Variants in EYS observed in about 807,000 individuals in gnomAD.
EYS encodes EGF-like photoreceptor maintenance factor.
A neutral mutation model predicts 282.1 loss-of-function variants in EYS; 250 were observed. The ratio of observed to expected loss-of-function variants is 0.89; its 90% CI spans 0.80 to 0.98. The LOEUF (loss-of-function observed/expected upper bound fraction) is 0.98. Among genes scored for constraint, EYS ranks in the 50% least tolerant of loss-of-function variants. The pLI, the probability that EYS is intolerant of heterozygous loss-of-function variation, is 0.00. For missense variants in EYS, 4,016 were observed against 3,709.0 expected, an observed-to-expected ratio of 1.08 and a Z score of -2.15; for synonymous variants, 1,355 against 1,282.9, an observed-to-expected ratio of 1.06 and a Z score of -1.20.
At chr6:65,500,245 T>C (rs921115749) in intron 2 of EYS, among the ~76,000 whole-genome samples, 7 of 151,964 alleles carry the variant, frequency 4.6e-5, no homozygotes, top group Non-Finnish European at 1.0e-4. Flanking sequence ...CAATAAGGCA[T>C]AGGATTAAAC....
chr6:64,144,516 C>A (rs1404118498), intron 31 of EYS, among the ~76,000 whole-genome samples: 1 of 152,150 alleles, frequency 6.6e-6, no homozygotes, highest in East Asian at 1.9e-4. Context: ...GCACCCTAAT[C>A]CTAACATGCT....
At chr6:64,061,182 A>G (rs371601761) in intron 33 of EYS, among the ~76,000 whole-genome samples, 1 of 152,186 alleles carries the variant, frequency 6.6e-6, no homozygotes, top group Non-Finnish European at 1.5e-5. Flanking sequence ...ATAACACAGT[A>G]AATCACCTAG....
At chr6:64,104,074 T>C (rs1023600298) in intron 31 of EYS, among the ~76,000 whole-genome samples, 1 of 152,116 alleles carries the variant, frequency 6.6e-6, no homozygotes, top group African/African-American at 2.4e-5. Flanking sequence ...TTTGATTTTG[T>C]TGGGTATTTA....
chr6:65,168,449 G>A (rs1765026385), intron 12 of EYS, among the ~76,000 whole-genome samples: 1 of 151,182 alleles, frequency 6.6e-6, no homozygotes, highest in African/African-American at 2.4e-5. Context: ...CAGACTCAAG[G>A]TGTGGTATAG....
intron 7 of EYS, among the ~76,000 whole-genome samples, chr6:65,396,814 A>G (rs1168520635): frequency 6.6e-6 from 1 of 152,014 alleles, no homozygotes; most frequent in East Asian, 1.9e-4. Context: ...TTTCCAAATG[A>G]TTCAACAACC....
intron 9 of EYS, among the ~76,000 whole-genome samples, chr6:65,344,489 A>T (rs1264122784): frequency 6.6e-6 from 1 of 151,598 alleles, no homozygotes; most frequent in Non-Finnish European, 1.5e-5. Flanking sequence ...TGGTAGAACG[A>T]TAAAAAGAAC....
intron 12 of EYS, among the ~76,000 whole-genome samples, chr6:65,290,436 G>A (rs922972931): frequency 1.3e-5 from 2 of 150,928 alleles, no homozygotes; most frequent in Non-Finnish European, 1.5e-5. Context: ...TTTTTGATTG[G>A]AACAGCTAGA....
intron 21 of EYS, among the ~76,000 whole-genome samples, chr6:64,817,554 G>C (rs1017860924): frequency 6.6e-6 from 1 of 152,052 alleles, no homozygotes; most frequent in Admixed American, 6.6e-5. Context: ...TATTGCACTT[G>C]GGTAGTGAGC....
rs546539419 is a variant in EYS at position 63,950,706 on chromosome 6, C to T, written c.7055+33677G>A. ...TACGACCTCTGGTCCTCAGACCAAC[C>T]AGCCCAAGGAACATCTCACCAATTT... On this transcript the variant is annotated intron_variant, in intron 35 of 42. Transcript: ENST00000503581. Among the ~76,000 whole-genome samples, 9 of 152,256 alleles carry T rather than the reference C, an allele frequency of 5.9e-5. No homozygotes were observed. In the South Asian group the frequency reaches 1.9e-3, roughly 32 times the overall value.
chr6:64,253,409 T>C (rs1216136023), intron 30 of EYS, among the ~76,000 whole-genome samples: 1 of 152,154 alleles, frequency 6.6e-6, no homozygotes. Flanking sequence ...CATCTTCTCA[T>C]TGTAAGTGAT....
chr6:65,290,695 C>T (rs139955105), intron 12 of EYS, among the ~76,000 whole-genome samples: 31 of 151,404 alleles, frequency 2.0e-4, no homozygotes, highest in East Asian at 1.4e-3. Context: ...TTCTAATAAA[C>T]GCATCTAAAA....
chr6:64,084,611 G>A (rs959821503), intron 31 of EYS, among the ~76,000 whole-genome samples: 8 of 152,148 alleles, frequency 5.3e-5, no homozygotes, highest in African/African-American at 1.9e-4. Context: ...GTGGACAGAT[G>A]GGCTGCTGTC....
In EYS at chr6:64,265,960, C is replaced by A. The variant is rs16894931; in HGVS notation, c.6192-35136G>T. Among the ~76,000 whole-genome samples, 1,311 of 152,058 alleles carry A rather than the reference C, an allele frequency of 8.6e-3. 27 individuals are homozygous for A. Among genetic ancestry groups the A allele is most frequent in the African/African-American group, 0.029 (1,201 of 41,480 alleles). Reference sequence around the variant, plus strand: ...TGTTAGTTGTTTTAATCATTCAGTCCAACAGTTAAGAGTGGCAATACTTTT... The same window carrying A: ...TGTTAGTTGTTTTAATCATTCAGTCAAACAGTTAAGAGTGGCAATACTTTT... On this transcript the variant is annotated intron_variant, in intron 30 of 42. Transcript: ENST00000503581.
intron 12 of EYS, among the ~76,000 whole-genome samples, chr6:65,291,447 T>C (rs1336953275): frequency 6.6e-6 from 1 of 151,540 alleles, no homozygotes; most frequent in Non-Finnish European, 1.5e-5. Flanking sequence ...GTACATGCAG[T>C]TACATAAATA....
intron 31 of EYS, among the ~76,000 whole-genome samples, chr6:64,114,057 A>C (rs1047209094): frequency 1.3e-5 from 2 of 152,176 alleles, no homozygotes; most frequent in African/African-American, 4.8e-5. Context: ...ACAGAAAAAA[A>C]CTTACCAGCC....
intron 22 of EYS, among the ~76,000 whole-genome samples, chr6:64,778,700 C>A (rs1035033370): frequency 6.6e-6 from 1 of 152,070 alleles, no homozygotes; most frequent in African/African-American, 2.4e-5. Context: ...CCACCACCAA[C>A]AACAACAAAA....
intron 1 of EYS, among the ~76,000 whole-genome samples, chr6:65,640,157 A>G (rs1767227951): frequency 6.6e-6 from 1 of 152,226 alleles, no homozygotes; most frequent in Admixed American, 6.5e-5. Flanking sequence ...AAGTAAGTGT[A>G]AGCTCAAATA....
At chr6:64,045,151 T>G (rs1285942811) in intron 33 of EYS, among the ~76,000 whole-genome samples, 2 of 152,142 alleles carry the variant, frequency 1.3e-5, no homozygotes, top group African/African-American at 4.8e-5. Flanking sequence ...GTGAGTCGTC[T>G]CCATGACTAT....
At chr6:65,071,179 C>T (rs372393631) in intron 12 of EYS, among the ~76,000 whole-genome samples, 1 of 151,366 alleles carries the variant, frequency 6.6e-6, no homozygotes, top group African/African-American at 2.4e-5. Context: ...GTAGTTATCA[C>T]TAACTTAAAA....
Sources: allele counts gnomAD v4.1 joint callset (sites outside exome capture counted in the v4.1 genomes callset), GRCh38; gene constraint gnomAD v4.1.1; transcripts MANE v1.5; gene names NCBI Gene and HGNC (gene_info 2026-07-23, HGNC 2026-07-21).